RBM34: variants seen among roughly 807,000 people sequenced by gnomAD.
RBM34 encodes the protein RNA-binding protein 34.
RBM34 carries 39 observed loss-of-function variants against 44.6 expected under a neutral mutation model. The ratio of observed to expected loss-of-function variants is 0.87; its 90% CI spans 0.68 to 1.14. The LOEUF is 1.14. Ranked by LOEUF, RBM34 falls within the 50% of genes most tolerant of loss-of-function variation. RBM34 has a pLI of 0.00. For missense variants in RBM34, 572 were observed against 517.9 expected (o/e 1.10, Z -1.01); for synonymous variants, 194 against 184.0 (o/e 1.05, Z -0.44).
At chr1:235,137,052 A>C (rs527540276) in intron 8 of RBM34, among the ~76,000 whole-genome samples, 1 of 152,098 alleles carries the variant, frequency 6.6e-6, no homozygotes, top group Non-Finnish European at 1.5e-5. Context: ...CTATTATGAA[A>C]TTTATTCCCC....
In RBM34 at chr1:235,131,514, A is replaced by C. The variant is rs1661194821; in HGVS notation, c.*199T>G. The C allele has an allele frequency of 5.0e-6, 3 of 605,296 alleles. No individual in the cohort carries two copies. Among genetic ancestry groups the C allele is most frequent in the Non-Finnish European group, 7.9e-6 (3 of 380,052 alleles). 37.5% of individuals were successfully genotyped at this position (605,296 alleles called of 1,614,324 possible). Reference sequence around the variant, plus strand: ...CAACAGCCAAACTCCATCTCAAAAAACAAAACAAAAACAAAAAAACCTTCA... The same window carrying C: ...CAACAGCCAAACTCCATCTCAAAAACCAAAACAAAAACAAAAAAACCTTCA... On this transcript the variant is annotated 3_prime_UTR_variant, in exon 11 of 11. Coordinates refer to ENST00000408888, the MANE Select transcript of RBM34 (RefSeq NM_015014.4).
intron 6 of RBM34, among the ~76,000 whole-genome samples, chr1:235,143,784 C>A (rs565638103): frequency 5.8e-4 from 89 of 152,272 alleles, no homozygotes; most frequent in African/African-American, 2.0e-3. Flanking sequence ...ATAAATACAA[C>A]ACAACACAAT....
At chr1:235,134,408 G>A (rs1484677398) in intron 10 of RBM34, among the ~76,000 whole-genome samples, 3 of 152,032 alleles carry the variant, frequency 2.0e-5, no homozygotes, top group South Asian at 2.1e-4. Flanking sequence ...CAATCCTCTC[G>A]CCTCAGCCCT....
At chr1:235,139,488 G>A (rs1661583046) in intron 6 of RBM34, among the ~76,000 whole-genome samples, 1 of 152,020 alleles carries the variant, frequency 6.6e-6, no homozygotes, top group African/African-American at 2.4e-5. Context: ...GCGATGAAAT[G>A]GCAACAAGTG....
chr1:235,133,340 CAA>C lies in RBM34; in HGVS notation c.1009-1345_1009-1344del, dbSNP rs1661292561. Among the ~76,000 whole-genome samples the C allele has an allele frequency of 2.6e-5, 4 of 151,794 alleles. No homozygotes were observed. The South Asian group carries it at 8.3e-4, about 31-fold the overall frequency. On this transcript the variant is annotated intron_variant, in intron 10 of 10. Transcript: ENST00000408888. ...TGAGCAACAGAGTGAGACTCTGTCT[CAA>C]AAACAAAAAACACATAACCACTGCA...
chr1:235,160,694 T>C (rs781205892), intron 2 of RBM34, 47 bp from the exon 3 acceptor site: 3 of 1,586,622 alleles, frequency 1.9e-6, no homozygotes, highest in Non-Finnish European at 2.6e-6. Flanking sequence ...ACTTCTAGAA[T>C]TCTGACCCTA....
At chr1:235,136,126 G>T in intron 8 of RBM34, 53 bp from the exon 9 acceptor site, 1 of 1,490,488 alleles carries the variant, frequency 6.7e-7, no homozygotes, top group Non-Finnish European at 9.2e-7. Flanking sequence ...GAAAATGGAA[G>T]TCATCGAAAA....
At chr1:235,146,302 G>A (rs1661904957) in intron 6 of RBM34, among the ~76,000 whole-genome samples, 3 of 151,984 alleles carry the variant, frequency 2.0e-5, no homozygotes, top group African/African-American at 7.3e-5. Flanking sequence ...TCCATCAGTG[G>A]GAGATTTGAT....
chr1:235,138,254 C>A (rs1228228146), intron 6 of RBM34, 80 bp from the exon 7 acceptor site: 15 of 1,194,076 alleles, frequency 1.3e-5, no homozygotes, highest in Middle Eastern at 2.3e-4. Context: ...AGAAAAAAAT[C>A]TAGCTGTTTT....
At chr1:235,142,926 C>CAAAAA (rs34015202) in intron 6 of RBM34, among the ~76,000 whole-genome samples, 55 of 66,156 alleles carry the variant, frequency 8.3e-4, no homozygotes, top group South Asian at 1.8e-3. Context: ...GGATCCATCT[C>CAAAAA]AAAAAAAAAA....
At chr1:235,140,612 C>T (rs953953565) in intron 6 of RBM34, among the ~76,000 whole-genome samples, 19 of 152,204 alleles carry the variant, frequency 1.2e-4, no homozygotes, top group Non-Finnish European at 2.4e-4. Context: ...CGAGCCTCCC[C>T]GAGGAGCGCC....
intron 2 of RBM34, 68 bp from the exon 3 acceptor site, chr1:235,160,715 C>T (rs1662674976): frequency 6.4e-7 from 1 of 1,556,226 alleles, no homozygotes; most frequent in Non-Finnish European, 8.7e-7. Flanking sequence ...AGCCATAATT[C>T]AGTCTTTCTA....
rs774948043 is a variant in RBM34 at position 235,131,774 on chromosome 1, T to G, written c.1232A>C (p.Lys411Thr). Residue 411 changes from lysine (K) to threonine (T), a missense_variant, in exon 11 of 11, where the codon AAA (lysine) becomes ACA (threonine). Transcript: ENST00000408888. ...TTTCTTCTGTCCTTTCTTCTTCGTT[T>G]TAAGGAGAACAGCTTTTTCTCCAAT... Reference protein sequence around the residue: ...LFIGEKAVLLKTKKKGQKKSG... With the variant: ...LFIGEKAVLLTTKKKGQKKSG... The G allele has an allele frequency of 1.7e-5, 28 of 1,613,188 alleles. No individual in the cohort carries two copies. In the Middle Eastern group the frequency reaches 4.9e-4, roughly 28 times the overall value.
At chr1:235,135,391 G>A (rs1255149172) in intron 10 of RBM34, among the ~76,000 whole-genome samples, 1 of 151,868 alleles carries the variant, frequency 6.6e-6, no homozygotes, top group Non-Finnish European at 1.5e-5. Flanking sequence ...ACCACACCTG[G>A]ATAATTTTTG....
At position 235,135,773 on chromosome 1, in the gene RBM34, G is replaced by A. The variant is rs1001199637; in HGVS notation, c.890-3C>T. On this transcript the variant is annotated splice_polypyrimidine_tract_variant and splice_region_variant and intron_variant, in intron 9 of 10. Coordinates refer to ENST00000408888, the MANE Select transcript of RBM34 (RefSeq NM_015014.4). ...CTCAATGGCAGATTCTTCAACTTCT[G>A]AAAACAAATTCAATCAAAATGGAAG... 1.9e-6 allele frequency: 3 copies of A among 1,609,404 alleles called. No homozygotes were observed. The highest frequency in any genetic ancestry group is 2.6e-6 in the Non-Finnish European group (3 of 1,175,882).
intron 10 of RBM34, among the ~76,000 whole-genome samples, chr1:235,133,295 C>A (rs532116858): frequency 6.6e-6 from 1 of 152,128 alleles, no homozygotes; most frequent in Non-Finnish European, 1.5e-5. Context: ...GAGCTGAGAT[C>A]GTGCCAAAGC....
At chr1:235,144,800 T>C (rs142352058) in intron 6 of RBM34, among the ~76,000 whole-genome samples, 1,730 of 152,284 alleles carry the variant, frequency 0.011, 30 homozygotes, top group African/African-American at 0.036. Context: ...CCCAGCACTT[T>C]GGGAGGCCGA....
intron 6 of RBM34, among the ~76,000 whole-genome samples, chr1:235,143,381 A>G (rs1661766684): frequency 6.6e-6 from 1 of 152,246 alleles, no homozygotes. Flanking sequence ...TCCGTACCCA[A>G]ATTTTTTTTA....
Position 235,131,961 on chromosome 1 carries a change from TATTTA to T in RBM34, c.1040_1044del (p.Leu347Ter), listed in dbSNP as rs1661222033. 6 of 1,603,800 alleles carry T rather than the reference TATTTA, an allele frequency of 3.7e-6. No individual in the cohort carries two copies. Among genetic ancestry groups the T allele is most frequent in the South Asian group, 1.1e-5 (1 of 89,788 alleles). On this transcript the variant is annotated frameshift_variant, in exon 11 of 11. Transcript: ENST00000408888. LOFTEE classifies it high-confidence loss of function. ...AGTTTTCTCCCCATGAGTTCAGAAT[TATTTA>T]ATTTCAGAGCAAGATGAACAGAATC...
Sources: allele counts gnomAD v4.1 joint callset (sites outside exome capture counted in the v4.1 genomes callset), GRCh38; gene constraint gnomAD v4.1.1; transcripts MANE v1.5; gene names NCBI Gene and HGNC (gene_info 2026-07-23, HGNC 2026-07-21).